CNTNAP2: variants seen among roughly 807,000 people sequenced by gnomAD.
The protein encoded by CNTNAP2 is contactin associated protein 2.
A neutral mutation model predicts 155.2 loss-of-function variants in CNTNAP2; 98 were observed. The ratio of observed to expected loss-of-function variants is 0.63; its 90% CI spans 0.54 to 0.75. The LOEUF (loss-of-function observed/expected upper bound fraction) is 0.75, where lower values mean the gene tolerates loss of function less well. Among genes scored for constraint, CNTNAP2 ranks in the 30% least tolerant of loss-of-function variants. The pLI is 0.00. For missense variants in CNTNAP2, 1,727 were observed against 1,688.1 expected (o/e 1.02, Z -0.40); for synonymous variants, 651 against 631.2 (o/e 1.03, Z -0.47).
intron 9 of CNTNAP2, among the ~76,000 whole-genome samples, chr7:147,380,863 A>T (rs912577533): frequency 6.6e-6 from 1 of 152,150 alleles, no homozygotes; most frequent in Non-Finnish European, 1.5e-5. Context: ...TTACTTTTCC[A>T]TCTGCAATGA....
intron 9 of CNTNAP2, among the ~76,000 whole-genome samples, chr7:147,367,959 C>T (rs1290912198): frequency 2.0e-5 from 3 of 151,586 alleles, no homozygotes; most frequent in Admixed American, 2.0e-4. Flanking sequence ...TAGCCACATA[C>T]AAGGATGAGG....
At chr7:146,996,990 T>C (rs1798323173) in intron 3 of CNTNAP2, among the ~76,000 whole-genome samples, 1 of 152,148 alleles carries the variant, frequency 6.6e-6, no homozygotes. Flanking sequence ...CCTGCTGCCA[T>C]GTAAGAAGTG....
chr7:148,146,955 G>A (rs1189766711), intron 16 of CNTNAP2, among the ~76,000 whole-genome samples: 1 of 152,200 alleles, frequency 6.6e-6, no homozygotes, highest in East Asian at 1.9e-4. Flanking sequence ...ATTTCCTGGG[G>A]AGTTTTTTTA....
At chr7:147,074,535 C>CA (rs1426545598) in intron 4 of CNTNAP2, among the ~76,000 whole-genome samples, 18 of 152,226 alleles carry the variant, frequency 1.2e-4, no homozygotes, top group Admixed American at 5.9e-4. Flanking sequence ...GTTCATAATG[C>CA]AAAAGCCCCA....
At chr7:146,316,343 C>T (rs1800904494) in intron 1 of CNTNAP2, among the ~76,000 whole-genome samples, 1 of 152,132 alleles carries the variant, frequency 6.6e-6, no homozygotes, top group African/African-American at 2.4e-5. Context: ...GGCTGAACAA[C>T]AGATGCAAGG....
rs547561968 is a variant in CNTNAP2, at chr7:147,382,830, C to A, written c.1499-12779C>A. ...GATTGTCAGAAAAGTAGAAGGAAAA[C>A]CTCGAATGATGTAGTACATTGTCAG... On this transcript the variant is annotated intron_variant, in intron 9 of 23. Transcript: ENST00000361727. 2.1e-4 allele frequency among the ~76,000 whole-genome samples: 32 copies of A among 152,226 alleles called. No homozygotes were observed. In the East Asian group the frequency reaches 6.2e-3, roughly 29 times the overall value.
At position 147,458,130 on chromosome 7, in the gene CNTNAP2, G is replaced by GA. The variant is rs1442924667; in HGVS notation, c.1671-27799dup. Among the ~76,000 whole-genome samples the GA allele has an allele frequency of 7.6e-5, 8 of 105,734 alleles. No homozygotes were observed. The East Asian group carries it at 2.9e-3, about 38-fold the overall frequency. The allele number at this position is 105,734 out of a possible 152,430, so 69.4% of individuals were successfully genotyped here. On this transcript the variant is annotated intron_variant, in intron 10 of 23. Transcript: ENST00000361727. ...TATATTGTCTCTATTGGTACTATCA[G>GA]AAAAAACAAACATAAGCATTTCAGG... is the stretch of plus-strand genomic sequence containing the variant.
chr7:148,383,566 G>T, intron 21 of CNTNAP2, 83 bp from the exon 22 acceptor site: 1 of 1,585,984 alleles, frequency 6.3e-7, no homozygotes, highest in South Asian at 1.1e-5. Context: ...GTAAGCTTTG[G>T]ACACAAGCAT....
At chr7:147,529,031 A>G (rs1799383448) in intron 11 of CNTNAP2, among the ~76,000 whole-genome samples, 1 of 152,240 alleles carries the variant, frequency 6.6e-6, no homozygotes, top group Non-Finnish European at 1.5e-5. Flanking sequence ...TATGCTAATC[A>G]TAAAATGGAA....
At chr7:147,234,197 G>T (rs1803747393) in intron 8 of CNTNAP2, among the ~76,000 whole-genome samples, 1 of 151,994 alleles carries the variant, frequency 6.6e-6, no homozygotes, top group African/African-American at 2.4e-5. Flanking sequence ...ATACTTTTGT[G>T]TCTGTTTTCT....
chr7:148,331,594 A>C (rs62639097), intron 21 of CNTNAP2, among the ~76,000 whole-genome samples: 1 of 10,698 alleles, frequency 9.3e-5, no homozygotes, highest in Non-Finnish European at 2.0e-4. Context: ...GATGGATGGA[A>C]TGGATGGATG....
chr7:147,855,411 A>T (rs1799018926), intron 13 of CNTNAP2, among the ~76,000 whole-genome samples: 1 of 152,082 alleles, frequency 6.6e-6, no homozygotes, highest in African/African-American at 2.4e-5. Flanking sequence ...TCTGAGTGTC[A>T]TCTTACCTGG....
chr7:148,034,712 G>A (rs1156596418), intron 15 of CNTNAP2, among the ~76,000 whole-genome samples: 2 of 152,218 alleles, frequency 1.3e-5, no homozygotes, highest in Non-Finnish European at 2.9e-5. Flanking sequence ...ATGGGTAGAA[G>A]CCTGGAAAAT....
chr7:147,562,394 G>C (rs1800081379), intron 12 of CNTNAP2, 137 bp downstream of exon 12: 4 of 1,118,014 alleles, frequency 3.6e-6, no homozygotes, highest in African/African-American at 1.5e-5. Context: ...GGATTTGTTA[G>C]ATAAGATGAT....
chr7:146,738,844 T>G (rs1159713095), intron 1 of CNTNAP2, among the ~76,000 whole-genome samples: 1 of 151,638 alleles, frequency 6.6e-6, no homozygotes, highest in Non-Finnish European at 1.5e-5. Context: ...ATTTTCTGTT[T>G]TTTTTTTTTC....
intron 1 of CNTNAP2, among the ~76,000 whole-genome samples, chr7:146,649,075 T>C (rs548453340): frequency 8.5e-5 from 13 of 152,238 alleles, no homozygotes; most frequent in Non-Finnish European, 1.9e-4. Flanking sequence ...AGTGGATTTC[T>C]TAAGGAAACA....
chr7:148,205,722 G>C (rs192842965), intron 18 of CNTNAP2, among the ~76,000 whole-genome samples: 1 of 152,274 alleles, frequency 6.6e-6, no homozygotes, highest in East Asian at 1.9e-4. Flanking sequence ...TAAAGGAAAG[G>C]CCAATGTGAT....
At chr7:147,349,285 T>TA (rs1178891089) in intron 9 of CNTNAP2, among the ~76,000 whole-genome samples, 3 of 151,822 alleles carry the variant, frequency 2.0e-5, no homozygotes, top group Admixed American at 6.6e-5. Context: ...AGTAAAATTT[T>TA]AAAAAAATCA....
chr7:146,937,188 C>T (rs1275229739), intron 3 of CNTNAP2, among the ~76,000 whole-genome samples: 1 of 151,618 alleles, frequency 6.6e-6, no homozygotes, highest in African/African-American at 2.4e-5. Context: ...GAGATTAAGA[C>T]CATCCTGGCT....
Sources: allele counts gnomAD v4.1 joint callset (sites outside exome capture counted in the v4.1 genomes callset), GRCh38; gene constraint gnomAD v4.1.1; transcripts MANE v1.5; gene names NCBI Gene and HGNC (gene_info 2026-07-23, HGNC 2026-07-21).